Variants in EYS observed in about 807,000 individuals in gnomAD.
The protein encoded by EYS is EGF-like photoreceptor maintenance factor, also known as protein eyes shut homolog.
EYS carries 250 observed loss-of-function variants against 282.1 expected under a neutral mutation model. The observed-to-expected ratio is 0.89, with a 90% CI of 0.80 to 0.98. The LOEUF (loss-of-function observed/expected upper bound fraction) is 0.98. Among genes scored for constraint, EYS ranks in the 50% least tolerant of loss-of-function variants. The pLI is 0.00. For missense variants in EYS, 4,016 were observed against 3,709.0 expected (o/e 1.08, Z -2.15); for synonymous variants, 1,355 against 1,282.9 (o/e 1.06, Z -1.20).
intron 3 of EYS, 27 bp from the exon 4 acceptor site, chr6:65,495,634 T>C: frequency 1.7e-6 from 1 of 587,618 alleles, no homozygotes. Flanking sequence ...ACATATATTG[T>C]TAGTGAAGTT....
rs1200128284 is a variant in EYS at position 65,172,752 on chromosome 6, C to T, written c.2024-115025G>A. 2.6e-5 allele frequency among the ~76,000 whole-genome samples: 4 copies of T among 151,222 alleles called. No individual in the cohort carries two copies. The East Asian group carries it at 7.8e-4, about 30-fold the overall frequency. On this transcript the variant is annotated intron_variant, in intron 12 of 42. Transcript: ENST00000503581. ...GAAAAATGAGAGAACACTTTGATAA[C>T]ATGGTCTTGAGAGGTCTATATTAAT...
At chr6:64,280,345 G>A (rs1002071161) in intron 30 of EYS, among the ~76,000 whole-genome samples, 18 of 152,034 alleles carry the variant, frequency 1.2e-4, no homozygotes, top group African/African-American at 4.3e-4. Flanking sequence ...ACCTCACCTA[G>A]ATAAGAAAAG....
intron 35 of EYS, among the ~76,000 whole-genome samples, chr6:63,971,265 G>C (rs1766557132): frequency 1.3e-5 from 2 of 152,092 alleles, no homozygotes; most frequent in African/African-American, 4.8e-5. Flanking sequence ...CTCCATCCTA[G>C]CATTATCTGG....
chr6:64,959,793 T>C (rs1769851840), intron 14 of EYS, among the ~76,000 whole-genome samples: 1 of 152,082 alleles, frequency 6.6e-6, no homozygotes, highest in African/African-American at 2.4e-5. Flanking sequence ...AAGGTGTTCC[T>C]AGTGATTGGT....
At chr6:64,941,606 C>G (rs1769092821) in intron 15 of EYS, among the ~76,000 whole-genome samples, 1 of 152,096 alleles carries the variant, frequency 6.6e-6, no homozygotes, top group Non-Finnish European at 1.5e-5. Flanking sequence ...CCATACTTAC[C>G]TCCTTCCCTT....
At chr6:65,440,226 C>T (rs1247600232) in intron 5 of EYS, among the ~76,000 whole-genome samples, 1 of 151,910 alleles carries the variant, frequency 6.6e-6, no homozygotes, top group Admixed American at 6.6e-5. Context: ...ACCAGTGATA[C>T]GTAAACAATG....
At chr6:64,297,911 G>A (rs896520723) in intron 30 of EYS, among the ~76,000 whole-genome samples, 2 of 148,154 alleles carry the variant, frequency 1.3e-5, no homozygotes, top group Non-Finnish European at 1.5e-5. Context: ...CCAGGAGGCA[G>A]AGGTTGCAGT....
At chr6:64,616,663 C>T (rs1450926387) in intron 24 of EYS, among the ~76,000 whole-genome samples, 1 of 152,046 alleles carries the variant, frequency 6.6e-6, no homozygotes, top group Admixed American at 6.6e-5. Context: ...TTACACTTCC[C>T]TTCACACTTG....
At chr6:64,061,969 A>T (rs946078094) in intron 33 of EYS, among the ~76,000 whole-genome samples, 3 of 152,126 alleles carry the variant, frequency 2.0e-5, no homozygotes, top group Admixed American at 2.0e-4. Context: ...TCTTTCAAAA[A>T]AAAAAAAAAG....
chr6:65,328,749 G>GTT (rs146611743), intron 11 of EYS, among the ~76,000 whole-genome samples: 29,469 of 150,604 alleles, frequency 0.2, 3,202 homozygotes, highest in Middle Eastern at 0.26. Context: ...ATAATTATTA[G>GTT]TTTTTTATCA....
intron 2 of EYS, among the ~76,000 whole-genome samples, chr6:65,610,269 C>CT (rs942422198): frequency 2.6e-5 from 4 of 151,930 alleles, no homozygotes; most frequent in Admixed American, 6.6e-5. Context: ...TTGTGTTGTT[C>CT]TTTTTTTCCC....
At chr6:64,240,484 G>A (rs1429074130) in intron 30 of EYS, among the ~76,000 whole-genome samples, 1 of 152,058 alleles carries the variant, frequency 6.6e-6, no homozygotes, top group Non-Finnish European at 1.5e-5. Flanking sequence ...TTGTAAGTTG[G>A]ATTCCTAGGT....
chr6:64,449,170 T>G (rs564666759), intron 26 of EYS, among the ~76,000 whole-genome samples: 5 of 152,270 alleles, frequency 3.3e-5, no homozygotes, highest in African/African-American at 1.2e-4. Flanking sequence ...AAGGACTTCA[T>G]GGAGCTGAAA....
chr6:64,526,014 C>T (rs1295468367), intron 26 of EYS, among the ~76,000 whole-genome samples: 1 of 151,648 alleles, frequency 6.6e-6, no homozygotes, highest in Non-Finnish European at 1.5e-5. Context: ...ATAAATGGAA[C>T]AAACTATTAA....
intron 28 of EYS, among the ~76,000 whole-genome samples, chr6:64,394,992 G>C (rs375007553): frequency 6.6e-6 from 1 of 152,054 alleles, no homozygotes; most frequent in Admixed American, 6.6e-5. Context: ...GACACTTCTC[G>C]AAAGAAGACA....
At chr6:64,976,493 C>T (rs1473328125) in intron 14 of EYS, among the ~76,000 whole-genome samples, 2 of 151,858 alleles carry the variant, frequency 1.3e-5, no homozygotes, top group African/African-American at 2.4e-5. Context: ...AGGCCTACTT[C>T]CTAAATCATA....
At chr6:65,253,242 A>G (rs1562051600) in intron 12 of EYS, among the ~76,000 whole-genome samples, 1 of 151,990 alleles carries the variant, frequency 6.6e-6, no homozygotes, top group Non-Finnish European at 1.5e-5. Flanking sequence ...GGACTCCCAC[A>G]TAATATATCT....
rs1770113241 is a variant in EYS at position 63,778,140 on chromosome 6, G to A, written c.7764C>T (p.Gly2588=). ...FTLQVRTEKD[G]HFRGLGNPEG... ...CAGGATTTCCCAGTCCTCTGAAATG[G>A]CCATCCTTCTCAGTGCGAACTTGAA... Residue 2588 remains glycine, a synonymous_variant, in exon 40 of 43, where the codon GGC becomes GGT. Transcript: ENST00000503581. 1 of 1,551,722 alleles carries A rather than the reference G, an allele frequency of 6.4e-7. No individual in the cohort carries two copies. The highest frequency in any genetic ancestry group is 1.2e-5 in the South Asian group (1 of 84,064).
intron 22 of EYS, among the ~76,000 whole-genome samples, chr6:64,796,252 C>G (rs1268665179): frequency 6.6e-6 from 1 of 151,922 alleles, no homozygotes; most frequent in Admixed American, 6.6e-5. Flanking sequence ...TTTAGTGCCT[C>G]AAATTTATAT....
Sources: gnomAD v4.1 joint callset for allele counts (sites outside exome capture counted in the v4.1 genomes callset) on GRCh38, gnomAD v4.1.1 for gene constraint, MANE v1.5 for transcripts, NCBI Gene and HGNC (gene_info 2026-07-23, HGNC 2026-07-21) for gene names.